EFL1: variants seen among roughly 807,000 people sequenced by gnomAD.
EFL1 encodes elongation factor like GTPase 1, also known as elongation factor-like GTPase 1.
In EFL1, 76 loss-of-function variants were observed where a neutral mutation model predicts 126.7. That is an observed-to-expected ratio of 0.60 (90% CI 0.50 to 0.73). The LOEUF is 0.73. Among genes scored for constraint, EFL1 ranks in the 30% least tolerant of loss-of-function variants. The pLI is 0.00. For synonymous variants in EFL1, 410 were observed against 448.4 expected, an observed-to-expected ratio of 0.91 and a Z score of 1.08; for missense variants, 1,128 against 1,343.2, an observed-to-expected ratio of 0.84 and a Z score of 2.50.
chr15:82,240,772 C>T (rs1383239133), intron 5 of EFL1, among the ~76,000 whole-genome samples: 2 of 152,160 alleles, frequency 1.3e-5, no homozygotes, highest in Non-Finnish European at 2.9e-5. Context: ...TAAATAAGGC[C>T]GGGCATGGTG....
chr15:82,200,270 T>C (rs1056851827), intron 15 of EFL1, among the ~76,000 whole-genome samples: 1 of 152,000 alleles, frequency 6.6e-6, no homozygotes, highest in Non-Finnish European at 1.5e-5. Context: ...CCAAAATAAA[T>C]GGTAGAAAAT....
intron 4 of EFL1, among the ~76,000 whole-genome samples, chr15:82,247,718 G>C (rs1216059965): frequency 6.6e-6 from 1 of 152,042 alleles, no homozygotes; most frequent in African/African-American, 2.4e-5. Context: ...AGCGATGTTT[G>C]TTTCTCTTGG....
chr15:82,193,955 C>A (rs190810345), intron 15 of EFL1, among the ~76,000 whole-genome samples: 10 of 152,354 alleles, frequency 6.6e-5, no homozygotes, highest in African/African-American at 2.2e-4. Context: ...TGAGCAGCCA[C>A]AGTGGCTGAA....
intron 15 of EFL1, among the ~76,000 whole-genome samples, chr15:82,181,858 T>A (rs2074255480): frequency 6.6e-6 from 1 of 152,204 alleles, no homozygotes; most frequent in Non-Finnish European, 1.5e-5. Flanking sequence ...AAGCTGGCTA[T>A]CACATCTTCC....
At chr15:82,220,504 C>T (rs1595991403) in intron 12 of EFL1, among the ~76,000 whole-genome samples, 1 of 152,166 alleles carries the variant, frequency 6.6e-6, no homozygotes, top group Non-Finnish European at 1.5e-5. Context: ...TCTCAGATAC[C>T]TATATTCCTT....
At chr15:82,225,134 T>C (rs549848841) in intron 12 of EFL1, 31 bp downstream of exon 12, 8 of 1,547,178 alleles carry the variant, frequency 5.2e-6, no homozygotes, top group African/African-American at 1.4e-5. Context: ...ACCATATTCC[T>C]AGCCCAGCCC....
rs564743758 is a variant in EFL1, at chr15:82,189,312, G to C, written c.1751-25328C>G. ...ATGCATGACTGTATTTACTGAGCAA[G>C]TATCATATGCTAAATGTTTTTCTAG... is the stretch of plus-strand genomic sequence containing the variant. On this transcript the variant is annotated intron_variant, in intron 15 of 19. Coordinates refer to ENST00000268206, the MANE Select transcript of EFL1 (RefSeq NM_024580.6). Among the ~76,000 whole-genome samples, 4 of 152,264 alleles carry C rather than the reference G, an allele frequency of 2.6e-5. No homozygotes were observed. The South Asian group carries it at 8.3e-4, about 32-fold the overall frequency.
chr15:82,189,656 T>C (rs571282313), intron 15 of EFL1, among the ~76,000 whole-genome samples: 24 of 152,340 alleles, frequency 1.6e-4, no homozygotes, highest in Admixed American at 1.2e-3. Context: ...ACTCCAACTA[T>C]GCCTGTTAGT....
intron 19 of EFL1, 145 bp downstream of exon 19, chr15:82,138,513 T>C: frequency 1.2e-6 from 1 of 831,090 alleles, no homozygotes; most frequent in Non-Finnish European, 1.8e-6. Context: ...GAAAAAGCCA[T>C]TTGCTTTCTC....
Position 82,190,759 on chromosome 15 carries a change from C to T in EFL1, c.1750+23958G>A, listed in dbSNP as rs114505436. ...AAGTGATAATACTGATTAATAGGAG[C>T]ATCTATTATACATGTGTTATGTATG... On this transcript the variant is annotated intron_variant, in intron 15 of 19. Coordinates refer to ENST00000268206, the MANE Select transcript of EFL1 (RefSeq NM_024580.6). Among the ~76,000 whole-genome samples the T allele has an allele frequency of 2.3e-3, 344 of 152,134 alleles. 3 individuals are homozygous for T. The highest frequency in any genetic ancestry group is 7.9e-3 in the African/African-American group (328 of 41,506).
intron 6 of EFL1, among the ~76,000 whole-genome samples, chr15:82,239,828 T>C (rs145420883): frequency 0.011 from 1,699 of 152,294 alleles, 41 homozygotes; most frequent in African/African-American, 0.039. Flanking sequence ...GGCTTCCATT[T>C]TAAGACTTCT....
At chr15:82,196,123 G>C (rs995922016) in intron 15 of EFL1, among the ~76,000 whole-genome samples, 9 of 152,166 alleles carry the variant, frequency 5.9e-5, no homozygotes, top group African/African-American at 2.2e-4. Flanking sequence ...GAAGCATAGG[G>C]AGGTCAGAAG....
At position 82,138,856 on chromosome 15, in the gene EFL1, A is replaced by T. The variant is rs2073754409; in HGVS notation, c.2990-14T>A. ...CATAGACTCGACCTGTAAAACCATA[A>T]ATCTTTTAAAATCATGGATCAATCA... On this transcript the variant is annotated splice_polypyrimidine_tract_variant and intron_variant, in intron 18 of 19. Transcript: ENST00000268206. 2 of 1,606,960 alleles carry T rather than the reference A, an allele frequency of 1.2e-6. No individual in the cohort carries two copies. The highest frequency in any genetic ancestry group is 2.2e-5 in the East Asian group (1 of 44,764).
chr15:82,249,579 G>A (rs1212618260), intron 4 of EFL1, among the ~76,000 whole-genome samples: 3 of 151,874 alleles, frequency 2.0e-5, no homozygotes, highest in South Asian at 2.1e-4. Context: ...GGATTCAAAG[G>A]CATTACATCC....
intron 15 of EFL1, among the ~76,000 whole-genome samples, chr15:82,182,496 GT>G (rs968802413): frequency 1.3e-5 from 2 of 152,064 alleles, no homozygotes; most frequent in African/African-American, 4.8e-5. Context: ...GAAACGACAG[GT>G]TGGGCCAAAG....
At chr15:82,134,275 C>A (rs1470606148) in intron 19 of EFL1, among the ~76,000 whole-genome samples, 1 of 152,134 alleles carries the variant, frequency 6.6e-6, no homozygotes, top group Non-Finnish European at 1.5e-5. Flanking sequence ...GGAGCAAAGA[C>A]AAGGCTACCC....
intron 19 of EFL1, among the ~76,000 whole-genome samples, chr15:82,132,020 T>A (rs572922393): frequency 2.4e-4 from 36 of 152,210 alleles, no homozygotes; most frequent in African/African-American, 7.7e-4. Context: ...AGTCTTCAGA[T>A]GGAAAAACCT....
chr15:82,187,253 A>G (rs1179819643), intron 15 of EFL1, among the ~76,000 whole-genome samples: 1 of 152,168 alleles, frequency 6.6e-6, no homozygotes, highest in Non-Finnish European at 1.5e-5. Context: ...ACTTCTTTCT[A>G]ATAGCGAAAA....
intron 15 of EFL1, among the ~76,000 whole-genome samples, chr15:82,184,192 C>T (rs2074280037): frequency 6.6e-6 from 1 of 152,184 alleles, no homozygotes; most frequent in South Asian, 2.1e-4. Flanking sequence ...GGTCCAACTG[C>T]TATATTACTG....
Sources: gnomAD v4.1 joint callset for allele counts (sites outside exome capture counted in the v4.1 genomes callset) on GRCh38, gnomAD v4.1.1 for gene constraint, MANE v1.5 for transcripts, NCBI Gene and HGNC (gene_info 2026-07-23, HGNC 2026-07-21) for gene names.